SBF2: variants seen among roughly 807,000 people sequenced by gnomAD.
The protein encoded by SBF2 is SET binding factor 2.
In SBF2, 112 loss-of-function variants were observed where a neutral mutation model predicts 225.2. That is an observed-to-expected ratio of 0.50 (90% CI 0.43 to 0.58). SBF2 has a LOEUF of 0.58. SBF2 is among the 20% of genes least tolerant of loss of function. The probability of loss-of-function intolerance (pLI) is 0.00; values close to 1 mark genes in which losing one functional copy is unlikely to be tolerated. For synonymous variants in SBF2, 763 were observed against 773.3 expected (o/e 0.99, Z 0.22); for missense variants, 1,996 against 2,206.2 (o/e 0.90, Z 1.91).
At chr11:10,078,068 C>G (rs574504569) in intron 2 of SBF2, among the ~76,000 whole-genome samples, 5 of 152,278 alleles carry the variant, frequency 3.3e-5, no homozygotes, top group African/African-American at 9.6e-5. Context: ...TAGAGAAATG[C>G]AAATCAAAAC....
chr11:9,995,718 T>C (rs1264991077), intron 9 of SBF2, among the ~76,000 whole-genome samples: 7 of 151,622 alleles, frequency 4.6e-5, no homozygotes, highest in Non-Finnish European at 8.8e-5. Context: ...CGGCGTGATC[T>C]CGGCTCACTG....
chr11:9,879,686 T>C lies in SBF2; in HGVS notation c.1929+16257A>G, dbSNP rs557368208. 3.7e-4 allele frequency among the ~76,000 whole-genome samples: 56 copies of C among 152,344 alleles called. No homozygotes were observed. In the South Asian group the frequency reaches 4.8e-3, roughly 13 times the overall value. ...AAATATTCGCTGTGCACGTACTATA[T>C]GCCAGGCACTAGGTTAGGTGCTTTA... On this transcript the variant is annotated intron_variant, in intron 17 of 39. Coordinates refer to ENST00000256190, the MANE Select transcript of SBF2 (RefSeq NM_030962.4).
At chr11:9,903,838 G>A (rs764415552) in intron 16 of SBF2, among the ~76,000 whole-genome samples, 2 of 152,074 alleles carry the variant, frequency 1.3e-5, no homozygotes, top group Non-Finnish European at 2.9e-5. Flanking sequence ...CCCTTTTTGG[G>A]TGGTGTGCCC....
chr11:10,182,224 A>G (rs907850081), intron 2 of SBF2, among the ~76,000 whole-genome samples: 1 of 152,182 alleles, frequency 6.6e-6, no homozygotes, highest in Admixed American at 6.5e-5. Context: ...GCTTTATGAG[A>G]TCAAAATGGG....
At chr11:10,014,235 G>T (rs965803773) in intron 6 of SBF2, among the ~76,000 whole-genome samples, 1 of 152,022 alleles carries the variant, frequency 6.6e-6, no homozygotes, top group Non-Finnish European at 1.5e-5. Flanking sequence ...CCTATAGATG[G>T]AGCTAGGAAA....
chr11:10,285,394 GA>G (rs57250673), intron 1 of SBF2, among the ~76,000 whole-genome samples: 40 of 143,874 alleles, frequency 2.8e-4, no homozygotes, highest in South Asian at 6.6e-4. Flanking sequence ...TCTAGAATTA[GA>G]AAAAAAAAAA....
chr11:10,214,394 C>G (rs1051225187), intron 1 of SBF2, among the ~76,000 whole-genome samples: 1 of 152,136 alleles, frequency 6.6e-6, no homozygotes, highest in Non-Finnish European at 1.5e-5. Flanking sequence ...GAGTCCGAGG[C>G]GGGCGGATCA....
chr11:10,227,776 T>G (rs1463981091), intron 1 of SBF2, among the ~76,000 whole-genome samples: 1 of 152,184 alleles, frequency 6.6e-6, no homozygotes, highest in Non-Finnish European at 1.5e-5. Flanking sequence ...CTTTGTTCTT[T>G]TGGCTTAGGA....
At chr11:10,292,703 T>C (rs1315754556) in intron 1 of SBF2, among the ~76,000 whole-genome samples, 1 of 149,734 alleles carries the variant, frequency 6.7e-6, no homozygotes. Flanking sequence ...AAAAAATTGT[T>C]TAAAAGTGGG....
rs1205478175 is a variant in SBF2, at chr11:9,850,179, T to C, written c.2650A>G (p.Ile884Val). Residue 884 changes from isoleucine (I) to valine (V), a missense_variant, in exon 22 of 40, where the codon ATT becomes GTT. Coordinates refer to ENST00000256190, the MANE Select transcript of SBF2 (RefSeq NM_030962.4). ...LRPALLPGEE[I>V]VCEGLRVLLD... ...AAGACTCGAAGACCCTCACAGACAA[T>C]TTCTTCTCCTGGCAGCAGAGCAGGT... 2 of 1,613,736 alleles carry C rather than the reference T, an allele frequency of 1.2e-6. No individual in the cohort carries two copies. Among genetic ancestry groups the C allele is most frequent in the Admixed American group, 1.7e-5 (1 of 59,996 alleles).
intron 2 of SBF2, among the ~76,000 whole-genome samples, chr11:10,162,279 TATAA>T (rs1404536398): frequency 6.6e-6 from 1 of 151,910 alleles, no homozygotes; most frequent in Admixed American, 6.6e-5. Flanking sequence ...TTTAGTTGAA[TATAA>T]GCCTCAGTGG....
At chr11:10,278,114 A>G (rs1963108871) in intron 1 of SBF2, among the ~76,000 whole-genome samples, 2 of 152,212 alleles carry the variant, frequency 1.3e-5, no homozygotes, top group South Asian at 4.1e-4. Flanking sequence ...TTTTGTTCCT[A>G]TACTCTAGAT....
intron 2 of SBF2, among the ~76,000 whole-genome samples, chr11:10,087,909 A>G (rs1219550529): frequency 2.6e-5 from 4 of 152,208 alleles, no homozygotes; most frequent in African/African-American, 9.7e-5. Flanking sequence ...TGGCTGCCAA[A>G]GAATGATTTT....
At chr11:10,229,022 T>C (rs1379369439) in intron 1 of SBF2, among the ~76,000 whole-genome samples, 1 of 152,184 alleles carries the variant, frequency 6.6e-6, no homozygotes, top group Admixed American at 6.5e-5. Flanking sequence ...TATTCAGAGA[T>C]TCAACTTCTT....
At chr11:9,835,078 C>A (rs927144081) in intron 26 of SBF2, among the ~76,000 whole-genome samples, 1 of 152,200 alleles carries the variant, frequency 6.6e-6, no homozygotes, top group African/African-American at 2.4e-5. Context: ...TGAAAGATAT[C>A]AATTTCCCTG....
chr11:10,139,745 T>C (rs1030291011), intron 2 of SBF2, among the ~76,000 whole-genome samples: 1 of 152,256 alleles, frequency 6.6e-6, no homozygotes, highest in Non-Finnish European at 1.5e-5. Context: ...TCCAAAAATA[T>C]GACTAATCTT....
chr11:9,795,765 T>C lies in SBF2; in HGVS notation c.4570+66A>G, dbSNP rs559387437. The C allele has an allele frequency of 5.1e-6, 8 of 1,556,402 alleles. No homozygotes were observed. In the South Asian group the frequency reaches 7.8e-5, roughly 15 times the overall value. On this transcript the variant is annotated intron_variant, in intron 33 of 39. Coordinates refer to ENST00000256190, the MANE Select transcript of SBF2 (RefSeq NM_030962.4). ...TCAGTCTTGGGGATAGTTACATTAT[T>C]AGAATTTTCATTAAAAACATGCAGA...
At chr11:9,794,396 C>T (rs1373080337) in intron 33 of SBF2, among the ~76,000 whole-genome samples, 1 of 150,850 alleles carries the variant, frequency 6.6e-6, no homozygotes, top group East Asian at 2.0e-4. Flanking sequence ...CAGGCCTGGC[C>T]AGGCGTGGTG....
chr11:10,095,359 G>A (rs1031729030), intron 2 of SBF2, among the ~76,000 whole-genome samples: 2 of 152,154 alleles, frequency 1.3e-5, no homozygotes, highest in African/African-American at 2.4e-5. Context: ...CCTGATGTAA[G>A]ACCAGAGGGC....
Sources: gnomAD v4.1 joint callset for allele counts (sites outside exome capture counted in the v4.1 genomes callset) on GRCh38, gnomAD v4.1.1 for gene constraint, MANE v1.5 for transcripts, NCBI Gene and HGNC (gene_info 2026-07-23, HGNC 2026-07-21) for gene names.